Variants in TRDN observed in about 807,000 individuals in gnomAD.
The protein encoded by TRDN is triadin, also known as triadin in skeletal muscle.
A neutral mutation model predicts 149.7 loss-of-function variants in TRDN; 161 were observed. That is an observed-to-expected ratio of 1.08 (90% CI 0.95 to 1.23). TRDN has a LOEUF of 1.23. Among genes scored for constraint, TRDN ranks in the 50% most tolerant of loss-of-function variants. TRDN has a pLI of 0.00. For synonymous variants in TRDN, 294 were observed against 250.5 expected (o/e 1.17, Z -1.64); for missense variants, 896 against 823.5 (o/e 1.09, Z -1.08).
intron 39 of TRDN, among the ~76,000 whole-genome samples, chr6:123,223,578 T>G (rs1433621797): frequency 6.6e-6 from 1 of 151,792 alleles, no homozygotes; most frequent in Non-Finnish European, 1.5e-5. Flanking sequence ...AAATACTTTA[T>G]GAAGTTCGTA....
At chr6:123,227,326 T>C (rs1279332657) in intron 38 of TRDN, among the ~76,000 whole-genome samples, 2 of 151,772 alleles carry the variant, frequency 1.3e-5, no homozygotes. Flanking sequence ...GAACAAGAGA[T>C]TGGTACTATA....
intron 35 of TRDN, among the ~76,000 whole-genome samples, chr6:123,257,037 G>A (rs1016969885): frequency 2.0e-5 from 3 of 150,048 alleles, no homozygotes; most frequent in African/African-American, 7.4e-5. Flanking sequence ...CTAGAGTGCA[G>A]TGGCATGATC....
At chr6:123,492,567 T>C (rs1222625316) in intron 9 of TRDN, among the ~76,000 whole-genome samples, 2 of 152,094 alleles carry the variant, frequency 1.3e-5, no homozygotes, top group Non-Finnish European at 2.9e-5. Flanking sequence ...AAGATCCTGA[T>C]GTGTTTTCTT....
intron 9 of TRDN, chr6:123,470,260 AG>A (rs1210207565): frequency 6.6e-6 from 1 of 152,168 alleles, no homozygotes; most frequent in African/African-American, 2.4e-5. Context: ...GATACGTAAA[AG>A]TGCCTTGAAG....
intron 1 of TRDN, among the ~76,000 whole-genome samples, chr6:123,631,285 T>C (rs1173307002): frequency 6.6e-6 from 1 of 152,020 alleles, no homozygotes; most frequent in Non-Finnish European, 1.5e-5. Context: ...TGTCAATAAA[T>C]GCAATGTTCC....
intron 14 of TRDN, among the ~76,000 whole-genome samples, chr6:123,384,042 C>T (rs1169887975): frequency 6.6e-6 from 1 of 152,118 alleles, no homozygotes; most frequent in Non-Finnish European, 1.5e-5. Flanking sequence ...TTTAGTTTGT[C>T]ATCAGGAATT....
At chr6:123,519,127 C>G (rs1360717878) in intron 5 of TRDN, among the ~76,000 whole-genome samples, 1 of 152,260 alleles carries the variant, frequency 6.6e-6, no homozygotes, top group South Asian at 2.1e-4. Flanking sequence ...CTTCTTGCAC[C>G]TGCTAGAGTT....
At chr6:123,366,059 C>T (rs1781087343) in intron 20 of TRDN, 76 bp downstream of exon 20, 10 of 1,354,940 alleles carry the variant, frequency 7.4e-6, no homozygotes, top group Non-Finnish European at 1.0e-5. Flanking sequence ...TTTCTAAGCA[C>T]AAAACAATAC....
intron 30 of TRDN, 128 bp downstream of exon 30, chr6:123,271,011 C>T: frequency 2.3e-6 from 1 of 428,570 alleles, no homozygotes; most frequent in Non-Finnish European, 4.0e-6. Flanking sequence ...AGTTATGGTA[C>T]TGAAAGCCTA....
At chr6:123,396,550 A>T (rs1376055243) in intron 12 of TRDN, among the ~76,000 whole-genome samples, 1 of 152,226 alleles carries the variant, frequency 6.6e-6, no homozygotes, top group Non-Finnish European at 1.5e-5. Context: ...CAGAGACAGG[A>T]TGGACCTAGA....
At position 123,271,167 on chromosome 6, in the gene TRDN, C is replaced by T. The variant is rs747107207; in HGVS notation, c.1692G>A (p.Gln564=). The change falls in exon 30 of 41, where the codon CAG becomes CAA. Residue 564 remains glutamine, a synonymous_variant. Transcript: ENST00000334268. Reference sequence around the variant, plus strand: ...TTTTTTCTATTGTGACAGCTTTTACCTGCTTGAGAACTTTTTCTTCTGTGA... The same window carrying T: ...TTTTTTCTATTGTGACAGCTTTTACTTGCTTGAGAACTTTTTCTTCTGTGA... The part of the protein sequence containing the change: ...HGKPEEKVLK[Q]VKAVTIEKTA... 7 of 1,539,234 alleles carry T rather than the reference C, an allele frequency of 4.5e-6. No individual in the cohort carries two copies. Among genetic ancestry groups the T allele is most frequent in the Non-Finnish European group, 5.2e-6 (6 of 1,143,184 alleles).
chr6:123,486,324 G>A (rs1319127660), intron 9 of TRDN, among the ~76,000 whole-genome samples: 3 of 150,336 alleles, frequency 2.0e-5, no homozygotes, highest in Non-Finnish European at 4.4e-5. Context: ...CCCTCAATTT[G>A]GAGATCTAGA....
At chr6:123,437,899 T>C (rs548715597) in intron 12 of TRDN, among the ~76,000 whole-genome samples, 164 bp downstream of exon 12, 2 of 152,270 alleles carry the variant, frequency 1.3e-5, no homozygotes, top group African/African-American at 4.8e-5. Context: ...GAATAAAGTC[T>C]TCTTTGCCTG....
At chr6:123,318,725 T>C (rs908034538) in intron 23 of TRDN, among the ~76,000 whole-genome samples, 5 of 152,094 alleles carry the variant, frequency 3.3e-5, no homozygotes, top group Non-Finnish European at 5.9e-5. Context: ...CATATTGTAA[T>C]CTTGAAATGA....
At chr6:123,419,496 C>G (rs147561784) in intron 12 of TRDN, among the ~76,000 whole-genome samples, 2,703 of 152,200 alleles carry the variant, frequency 0.018, 176 homozygotes, top group Admixed American at 0.13. Flanking sequence ...GCCTCAGCCT[C>G]CAAAGTAGCT....
At chr6:123,408,991 C>G (rs539652382) in intron 12 of TRDN, among the ~76,000 whole-genome samples, 3 of 152,148 alleles carry the variant, frequency 2.0e-5, no homozygotes, top group Non-Finnish European at 4.4e-5. Context: ...ATATACCAGA[C>G]TGAAATTCTG....
chr6:123,535,325 T>A (rs1780473310), intron 4 of TRDN, among the ~76,000 whole-genome samples: 1 of 152,160 alleles, frequency 6.6e-6, no homozygotes, highest in Admixed American at 6.6e-5. Context: ...CACTGAAGGA[T>A]TTAAGAGAAG....
chr6:123,251,536 T>C (rs1370213506), intron 38 of TRDN, among the ~76,000 whole-genome samples: 1 of 151,952 alleles, frequency 6.6e-6, no homozygotes, highest in Non-Finnish European at 1.5e-5. Flanking sequence ...TGTTTTGTTT[T>C]GTCTTTTAAT....
intron 1 of TRDN, among the ~76,000 whole-genome samples, chr6:123,604,240 T>C (rs1037941142): frequency 6.6e-6 from 1 of 152,204 alleles, no homozygotes; most frequent in African/African-American, 2.4e-5. Flanking sequence ...ACGCACAGGC[T>C]GCTGTGGGAA....
Sources: gnomAD v4.1 joint callset for allele counts (sites outside exome capture counted in the v4.1 genomes callset) on GRCh38, gnomAD v4.1.1 for gene constraint, MANE v1.5 for transcripts, NCBI Gene and HGNC (gene_info 2026-07-23, HGNC 2026-07-21) for gene names.